The following IGSF5 variants were observed in gnomAD, a reference collection of about 807,000 sequenced individuals.
The protein encoded by IGSF5 is immunoglobulin superfamily 5 like.
IGSF5 carries 41 observed loss-of-function variants against 39.4 expected under a neutral mutation model. The ratio of observed to expected loss-of-function variants is 1.04; its 90% CI spans 0.81 to 1.35. IGSF5 has a LOEUF of 1.35. Ranked by LOEUF, IGSF5 falls within the 40% of genes most tolerant of loss-of-function variation. The pLI is 0.00. For missense variants in IGSF5, 487 were observed against 494.6 expected (o/e 0.98, Z 0.15); for synonymous variants, 183 against 175.3 (o/e 1.04, Z -0.34).
chr21:39,736,362 T>C, the IGSF5 span, among the ~76,000 whole-genome samples: 1 of 152,250 alleles, frequency 6.6e-6, no homozygotes, highest in Admixed American at 6.5e-5. Context: ...TAAAATAGCA[T>C]AGGCTAAAAA....
At chr21:39,799,788 G>A (rs1162856408) in intron 8 of IGSF5, among the ~76,000 whole-genome samples, 3 of 152,088 alleles carry the variant, frequency 2.0e-5, no homozygotes, top group African/African-American at 7.2e-5. Flanking sequence ...CCATATTTTA[G>A]ATGGGTCCTA....
At chr21:39,778,957 G>A (rs2080154907) in intron 4 of IGSF5, 133 bp from the exon 5 acceptor site, 1 of 968,832 alleles carries the variant, frequency 1.0e-6, no homozygotes, top group East Asian at 2.5e-5. Flanking sequence ...AAGAAACTTG[G>A]CCTATGACGC....
intron 3 of IGSF5, among the ~76,000 whole-genome samples, chr21:39,766,844 ATC>A (rs1337410273): frequency 6.6e-6 from 1 of 151,758 alleles, no homozygotes; most frequent in African/African-American, 2.4e-5. Flanking sequence ...ATTATTTCTT[ATC>A]TCTATATATT....
intron 6 of IGSF5, 134 bp from the exon 7 acceptor site, chr21:39,791,874 T>A (rs1349418497): frequency 6.4e-6 from 4 of 629,022 alleles, no homozygotes; most frequent in East Asian, 2.7e-5. Flanking sequence ...AGCTATGGAC[T>A]TCCTGTGTTA....
the IGSF5 span, among the ~76,000 whole-genome samples, chr21:39,715,916 C>G: frequency 1.3e-5 from 2 of 152,148 alleles, no homozygotes; most frequent in African/African-American, 2.4e-5. Context: ...GGGAGGGAAC[C>G]AACCCGGGGA....
chr21:39,733,651 C>G, the IGSF5 span, among the ~76,000 whole-genome samples: 2 of 152,174 alleles, frequency 1.3e-5, no homozygotes, highest in African/African-American at 4.8e-5. Context: ...AACAGAAATG[C>G]ACTCTGCCAC....
chr21:39,742,599 T>C (rs748165506), upstream of IGSF5, among the ~76,000 whole-genome samples: 7 of 152,232 alleles, frequency 4.6e-5, no homozygotes, highest in Non-Finnish European at 7.3e-5. Flanking sequence ...CTTCCAGTGA[T>C]TCCCTTGACA....
At chr21:39,725,224 T>G in the IGSF5 span, among the ~76,000 whole-genome samples, 1 of 152,260 alleles carries the variant, frequency 6.6e-6, no homozygotes, top group African/African-American at 2.4e-5. Flanking sequence ...AAAACTCTGC[T>G]GTTTGTAGGA....
the IGSF5 span, among the ~76,000 whole-genome samples, chr21:39,714,856 C>T: frequency 2.0e-5 from 3 of 152,020 alleles, no homozygotes; most frequent in Non-Finnish European, 4.4e-5. Context: ...ATCAGGACTC[C>T]GATATATAAT....
intron 2 of IGSF5, 137 bp from the exon 3 acceptor site, chr21:39,765,398 G>A (rs1601128632): frequency 1.1e-5 from 8 of 724,830 alleles, no homozygotes; most frequent in South Asian, 9.4e-5. Flanking sequence ...GCTGGTGTTC[G>A]GATTCAAAAG....
At chr21:39,775,094 T>A (rs1026859490) in intron 4 of IGSF5, among the ~76,000 whole-genome samples, 5 of 151,932 alleles carry the variant, frequency 3.3e-5, no homozygotes, top group African/African-American at 4.8e-5. Context: ...TAAAAAAAGT[T>A]CCCAAGTTAC....
At chr21:39,725,668 TA>T in the IGSF5 span, among the ~76,000 whole-genome samples, 1 of 152,196 alleles carries the variant, frequency 6.6e-6, no homozygotes, top group South Asian at 2.1e-4. Context: ...GGTGCACAAG[TA>T]CTTCTAGGAA....
At chr21:39,768,853 C>T (rs527703291) in intron 3 of IGSF5, among the ~76,000 whole-genome samples, 14 of 152,216 alleles carry the variant, frequency 9.2e-5, no homozygotes, top group African/African-American at 2.4e-4. Flanking sequence ...CTTTCAGAGC[C>T]GACCCAGTTC....
Position 39,781,743 on chromosome 21 carries a change from G to T in IGSF5, c.934+2438G>T, listed in dbSNP as rs143783704. Among the ~76,000 whole-genome samples, 6 of 152,262 alleles carry T rather than the reference G, an allele frequency of 3.9e-5. No individual in the cohort carries two copies. In the East Asian group the frequency reaches 1.2e-3, roughly 29 times the overall value. On this transcript the variant is annotated intron_variant, in intron 5 of 8. Transcript: ENST00000380588. The stretch of plus-strand genomic sequence containing the variant: ...TTATTATAAGTGAGGTTGAACTACT[G>T]TTCCATCTTTTTGTATGATTGAGAA...
rs117669934 is a variant in IGSF5, at chr21:39,781,065, C to T, written c.934+1760C>T. Among the ~76,000 whole-genome samples, 25 of 152,268 alleles carry T rather than the reference C, an allele frequency of 1.6e-4. 1 individual carries two copies. The East Asian group carries it at 3.3e-3, about 20-fold the overall frequency. On this transcript the variant is annotated intron_variant, in intron 5 of 8. Coordinates refer to ENST00000380588, the MANE Select transcript of IGSF5 (RefSeq NM_001080444.2). ...GCTAACTCTTTTACATGGAGTATCTCACTAAAATGCATGGACTAGCCTTAA... is the reference window on the plus strand; with the variant it reads ...GCTAACTCTTTTACATGGAGTATCTTACTAAAATGCATGGACTAGCCTTAA...
intron 4 of IGSF5, among the ~76,000 whole-genome samples, chr21:39,772,708 T>A (rs1199389551): frequency 6.6e-6 from 1 of 151,930 alleles, no homozygotes. Flanking sequence ...TGGGTCAGTT[T>A]GGATCAATTT....
In IGSF5 at chr21:39,771,041, G is replaced by C. The variant is rs1800602742; in HGVS notation, c.544G>C (p.Val182Leu). 1 of 1,613,550 alleles carries C rather than the reference G, an allele frequency of 6.2e-7. No individual in the cohort carries two copies. Among genetic ancestry groups the C allele is most frequent in the Admixed American group, 1.7e-5 (1 of 59,946 alleles). Residue 182 changes from valine (V) to leucine (L), a missense_variant, in exon 4 of 9, where the codon GTC becomes CTC. By Grantham distance (32) the Val-to-Leu change is conservative. Transcript: ENST00000380588. ...TATTTCCTGGGAGCTCGGTCTCCTGGTCAGCCATTCAAGCTATTATTTTGT... is the reference window on the plus strand; with the variant it reads ...TATTTCCTGGGAGCTCGGTCTCCTGCTCAGCCATTCAAGCTATTATTTTGT... ...PDISWELGLL[V>L]SHSSYYFVPE...
chr21:39,798,412 C>T (rs1049562450), intron 8 of IGSF5, among the ~76,000 whole-genome samples: 8 of 152,138 alleles, frequency 5.3e-5, no homozygotes, highest in Admixed American at 2.0e-4. Context: ...CTCCCTCTGC[C>T]GGGAGTCAGC....
chr21:39,796,085 C>G, intron 8 of IGSF5, among the ~76,000 whole-genome samples: 1 of 152,116 alleles, frequency 6.6e-6, no homozygotes, highest in African/African-American at 2.4e-5. Context: ...GCAGGATGTA[C>G]CATGGGCCGT....
Sources: gnomAD v4.1 joint callset for allele counts (sites outside exome capture counted in the v4.1 genomes callset) on GRCh38, gnomAD v4.1.1 for gene constraint, MANE v1.5 for transcripts, NCBI Gene and HGNC (gene_info 2026-07-23, HGNC 2026-07-21) for gene names.